TRHDE: variants seen among roughly 807,000 people sequenced by gnomAD.
TRHDE encodes the protein thyrotropin releasing hormone degrading enzyme.
In TRHDE, 72 loss-of-function variants were observed where a neutral mutation model predicts 125.7. The ratio of observed to expected loss-of-function variants is 0.57; its 90% confidence interval spans 0.47 to 0.70. TRHDE has a LOEUF of 0.70. TRHDE is among the 30% of genes least tolerant of loss of function. The pLI is 0.00. For missense variants in TRHDE, 1,110 were observed against 1,327.1 expected (o/e 0.84, Z 2.54); for synonymous variants, 509 against 509.1 (o/e 1.00, Z 0.00).
At chr12:72,519,920 G>A (rs1390259903) in intron 6 of TRHDE, among the ~76,000 whole-genome samples, 1 of 152,052 alleles carries the variant, frequency 6.6e-6, no homozygotes, top group Admixed American at 6.6e-5. Flanking sequence ...GTGTCAGTCT[G>A]CTGCTAGGGG....
At chr12:72,178,659 A>C (rs1877037672) in intron 2 of TRHDE, among the ~76,000 whole-genome samples, 1 of 152,098 alleles carries the variant, frequency 6.6e-6, no homozygotes, top group African/African-American at 2.4e-5. Flanking sequence ...GGCTAATGAG[A>C]AATCTTACAT....
chr12:72,158,140 G>A lies in TRHDE; in HGVS notation n.279+52388G>A, dbSNP rs1038899292. Among the ~76,000 whole-genome samples, 7 of 152,196 alleles carry A rather than the reference G, an allele frequency of 4.6e-5. No homozygotes were observed. In the East Asian group the frequency reaches 7.7e-4, roughly 17 times the overall value. ...TAGGAGATGTCAATGAAAGTCTGAC[G>A]GAGAGGGTTTGGGAAAGAAAAGTGA... On this transcript the variant is annotated intron_variant and non_coding_transcript_variant, in intron 2 of 4. Transcript: ENST00000548156.
rs766259081 is a variant in TRHDE at position 72,273,064 on chromosome 12, G to T, written c.421G>T (p.Ala141Ser). Residue 141 changes from alanine to serine, a missense_variant, in exon 1 of 19, where the codon GCC (alanine) becomes TCC (serine). Around this residue, in one of 5 missense-constraint regions of TRHDE, gnomAD observed 248 missense variants for 240.8 expected, o/e 1.03. Transcript: ENST00000261180. The surrounding 1 kb of genome is among the most constrained non-coding windows in gnomAD (Gnocchi z 5.3). ...RGGNGSLPGS[A>S]RRNHHAGGDS... ...CGGCAACGGGAGCCTCCCTGGATCGGCCCGGCGCAACCACCACGCAGGCGG... is the reference window on the plus strand; with the variant it reads ...CGGCAACGGGAGCCTCCCTGGATCGTCCCGGCGCAACCACCACGCAGGCGG... 3.9e-6 allele frequency: 6 copies of T among 1,527,294 alleles called. No individual in the cohort carries two copies. In the Admixed American group the frequency reaches 7.8e-5, roughly 20 times the overall value. The allele number at this position is 1,527,294 out of a possible 1,614,324, so 94.6% of individuals were successfully genotyped here. A position where few individuals can be genotyped will look rare whatever the true frequency, so the allele number is the denominator to read the frequency against.
chr12:72,458,620 T>C (rs10082983), intron 3 of TRHDE, among the ~76,000 whole-genome samples: 3,427 of 152,224 alleles, frequency 0.023, 125 homozygotes, highest in African/African-American at 0.078. Context: ...TTAGTAGATA[T>C]CTCTATTTGG....
chr12:72,582,334 GA>G, intron 12 of TRHDE: 3 of 984,730 alleles, frequency 3.0e-6, no homozygotes, highest in Non-Finnish European at 3.6e-6. Context: ...AAAACTTACA[GA>G]TTTTTTTTTT....
chr12:72,322,537 G>A (rs923214457), intron 2 of TRHDE, among the ~76,000 whole-genome samples: 4 of 152,088 alleles, frequency 2.6e-5, no homozygotes, highest in Admixed American at 6.6e-5. Flanking sequence ...ATCAAACAAA[G>A]TTATGTATTG....
chr12:72,331,040 T>C (rs1005743388), intron 2 of TRHDE, among the ~76,000 whole-genome samples: 7 of 152,218 alleles, frequency 4.6e-5, no homozygotes, highest in Admixed American at 2.6e-4. Context: ...TGAAACCCTC[T>C]GTGGTAATAG....
At chr12:72,476,689 C>G (rs2135907047) in intron 5 of TRHDE, among the ~76,000 whole-genome samples, 1 of 152,234 alleles carries the variant, frequency 6.6e-6, no homozygotes, top group East Asian at 1.9e-4. Context: ...CATCAAGGCT[C>G]AAACACTGAA....
intron 3 of TRHDE, among the ~76,000 whole-genome samples, chr12:72,438,982 T>A (rs1264737406): frequency 6.6e-6 from 1 of 151,866 alleles, no homozygotes; most frequent in African/African-American, 2.4e-5. Flanking sequence ...TTGTGTATGG[T>A]GTGAGATGAG....
chr12:72,646,089 G>C (rs1003958978), intron 15 of TRHDE, among the ~76,000 whole-genome samples: 1 of 151,950 alleles, frequency 6.6e-6, no homozygotes, highest in African/African-American at 2.4e-5. Context: ...TTACTGTAAT[G>C]GTGGTGGGTA....
chr12:72,409,955 C>T (rs1030573751), intron 3 of TRHDE, among the ~76,000 whole-genome samples: 2 of 151,776 alleles, frequency 1.3e-5, no homozygotes, highest in African/African-American at 4.8e-5. Flanking sequence ...TACTATAAAA[C>T]TATCAAAAAA....
intron 2 of TRHDE, among the ~76,000 whole-genome samples, chr12:72,333,079 A>G (rs1335078556): frequency 6.6e-6 from 1 of 152,218 alleles, no homozygotes; most frequent in Non-Finnish European, 1.5e-5. Context: ...GAAGGAAATA[A>G]AATCCTTGAC....
intron 2 of TRHDE, among the ~76,000 whole-genome samples, chr12:72,122,344 AT>A (rs1875605397): frequency 6.6e-6 from 1 of 152,100 alleles, no homozygotes; most frequent in Non-Finnish European, 1.5e-5. Flanking sequence ...TATTAAACCT[AT>A]TGGTTTAATT....
chr12:72,640,218 T>C (rs1037012771), intron 15 of TRHDE, among the ~76,000 whole-genome samples: 4 of 152,350 alleles, frequency 2.6e-5, no homozygotes, highest in Non-Finnish European at 4.4e-5. Flanking sequence ...GTGCTGTTTT[T>C]TAAGCCCGTC....
At chr12:72,319,822 TG>T (rs1448570192) in intron 2 of TRHDE, among the ~76,000 whole-genome samples, 1 of 152,090 alleles carries the variant, frequency 6.6e-6, no homozygotes, top group Non-Finnish European at 1.5e-5. Context: ...TGAGGACTCT[TG>T]GGAAAAAAAT....
chr12:72,282,131 A>G (rs1879718060), intron 1 of TRHDE, among the ~76,000 whole-genome samples: 1 of 152,214 alleles, frequency 6.6e-6, no homozygotes, highest in African/African-American at 2.4e-5. Context: ...TCATTAAAAG[A>G]TAAAAATGAT....
At chr12:72,415,127 A>T (rs2135819473) in intron 3 of TRHDE, among the ~76,000 whole-genome samples, 1 of 152,234 alleles carries the variant, frequency 6.6e-6, no homozygotes, top group Admixed American at 6.5e-5. Context: ...TCCATGTGAT[A>T]TCATGCTGCT....
rs763674378 is a variant in TRHDE at position 72,621,099 on chromosome 12, C to A, written c.2470-9C>A. The A allele has an allele frequency of 2.6e-6, 4 of 1,513,234 alleles. No individual in the cohort carries two copies. Among genetic ancestry groups the A allele is most frequent in the Admixed American group, 1.7e-5 (1 of 59,116 alleles). 93.7% of individuals were successfully genotyped at this position (1,513,234 alleles called of 1,614,324 possible). A position where few individuals can be genotyped will look rare whatever the true frequency, so the allele number is the denominator to read the frequency against. ...GACCTTATCTTTATTTATTCTATAC[C>A]CCATTTAGGAATATATTTTAAAGCA... is the stretch of plus-strand genomic sequence containing the variant. On this transcript the variant is annotated splice_polypyrimidine_tract_variant and intron_variant, in intron 13 of 18. Coordinates refer to ENST00000261180, the MANE Select transcript of TRHDE (RefSeq NM_013381.3).
chr12:72,527,301 A>C (rs2135969800), intron 6 of TRHDE, among the ~76,000 whole-genome samples: 1 of 152,306 alleles, frequency 6.6e-6, no homozygotes, highest in South Asian at 2.1e-4. Context: ...TTATTTATCA[A>C]AAACAAGTGC....
Sources: gnomAD v4.1 joint callset for allele counts (sites outside exome capture counted in the v4.1 genomes callset) on GRCh38, gnomAD v4.1.1 for gene constraint, gnomAD v4.1.1 regional missense constraint, Gnocchi (gnomAD v3.1) non-coding constraint, MANE v1.5 for transcripts, NCBI Gene and HGNC (gene_info 2026-07-23, HGNC 2026-07-21) for gene names.